ST8SIA1: variants seen among roughly 807,000 people sequenced by gnomAD.
ST8SIA1 encodes alpha-N-acetylneuraminide alpha-2,8-sialyltransferase.
In ST8SIA1, 16 loss-of-function variants were observed where a neutral mutation model predicts 35.9. The observed-to-expected ratio is 0.45, with a 90% CI of 0.30 to 0.68. The LOEUF (loss-of-function observed/expected upper bound fraction) is 0.68. ST8SIA1 is among the 30% of genes least tolerant of loss of function. The pLI is 0.09. For missense variants in ST8SIA1, 383 were observed against 453.6 expected (o/e 0.84, Z 1.41); for synonymous variants, 170 against 169.6 (o/e 1.00, Z -0.02).
At chr12:22,312,942 T>C (rs1005259872) in intron 1 of ST8SIA1, among the ~76,000 whole-genome samples, 1 of 152,192 alleles carries the variant, frequency 6.6e-6, no homozygotes, top group African/African-American at 2.4e-5. Flanking sequence ...ACAGAGATGA[T>C]AATTTACATT....
chr12:22,210,029 AAATGCCATCACT>A (rs1352044771), intron 4 of ST8SIA1, among the ~76,000 whole-genome samples: 1 of 152,192 alleles, frequency 6.6e-6, no homozygotes, highest in Non-Finnish European at 1.5e-5. Context: ...GAAACCACCT[AAATGCCATCACT>A]AATAGAATGC....
At chr12:22,277,073 C>T (rs991887538) in intron 2 of ST8SIA1, among the ~76,000 whole-genome samples, 1 of 152,142 alleles carries the variant, frequency 6.6e-6, no homozygotes, top group East Asian at 1.9e-4. Context: ...TCCCTAATTA[C>T]AGAACTACAA....
At chr12:22,282,482 C>A (rs557834323) in intron 2 of ST8SIA1, among the ~76,000 whole-genome samples, 1 of 152,134 alleles carries the variant, frequency 6.6e-6, no homozygotes, top group Non-Finnish European at 1.5e-5. Flanking sequence ...GATACATGAG[C>A]AGGAATCTGT....
intron 1 of ST8SIA1, among the ~76,000 whole-genome samples, chr12:22,331,986 T>A (rs908746885): frequency 6.6e-6 from 1 of 152,190 alleles, no homozygotes; most frequent in Non-Finnish European, 1.5e-5. Context: ...TTCTAACAAC[T>A]CTGCAATGTA....
At chr12:22,258,372 G>A (rs1865750810) in intron 2 of ST8SIA1, among the ~76,000 whole-genome samples, 1 of 152,000 alleles carries the variant, frequency 6.6e-6, no homozygotes, top group South Asian at 2.1e-4. Flanking sequence ...GTCTTTCCTG[G>A]AGATAGAAAA....
rs115112419 is a variant in ST8SIA1 at position 22,288,920 on chromosome 12, G to A, written c.237-1627C>T. 2.3e-3 allele frequency among the ~76,000 whole-genome samples: 345 copies of A among 152,182 alleles called. 1 individual carries two copies. The highest frequency in any genetic ancestry group is 7.7e-3 in the African/African-American group (321 of 41,518). On this transcript the variant is annotated intron_variant, in intron 1 of 4. Transcript: ENST00000396037. ...GTTGTTGTCCTTGTTTTTTGAAACA[G>A]GGTCTCACTCTATTGCCCAGGCTGG...
intron 4 of ST8SIA1, among the ~76,000 whole-genome samples, chr12:22,203,926 G>A (rs1239258891): frequency 6.6e-6 from 1 of 152,154 alleles, no homozygotes; most frequent in Non-Finnish European, 1.5e-5. Context: ...TGATGAGAGT[G>A]ATCCAGGGGC....
At chr12:22,219,471 C>T (rs769032701) in intron 4 of ST8SIA1, among the ~76,000 whole-genome samples, 21 of 151,962 alleles carry the variant, frequency 1.4e-4, no homozygotes, top group Non-Finnish European at 2.6e-4. Flanking sequence ...AGGGTGGAGG[C>T]GAGGGCACTT....
At chr12:22,239,479 A>G (rs1186207397) in intron 4 of ST8SIA1, among the ~76,000 whole-genome samples, 1 of 152,052 alleles carries the variant, frequency 6.6e-6, no homozygotes, top group Admixed American at 6.6e-5. Flanking sequence ...CAACAATTAT[A>G]TTTTTCATTT....
At chr12:22,325,743 G>A (rs1866667749) in intron 1 of ST8SIA1, 3 of 635,792 alleles carry the variant, frequency 4.7e-6, no homozygotes, top group Non-Finnish European at 8.3e-6. Context: ...ATTAGGCACA[G>A]TAAGAGATGA....
chr12:22,323,362 ACAAT>A (rs1866628518), intron 1 of ST8SIA1, among the ~76,000 whole-genome samples: 2 of 152,350 alleles, frequency 1.3e-5, no homozygotes, highest in East Asian at 3.9e-4. Flanking sequence ...TTTTCTATGA[ACAAT>A]CAAAGATGCC....
intron 2 of ST8SIA1, among the ~76,000 whole-genome samples, chr12:22,275,771 G>A (rs751296930): frequency 2.0e-5 from 3 of 152,224 alleles, no homozygotes; most frequent in Non-Finnish European, 4.4e-5. Context: ...AGAGCTGCAT[G>A]GAAACCAGAT....
Position 22,197,902 on chromosome 12 carries a change from G to A in ST8SIA1, c.*3650C>T, listed in dbSNP as rs1865007097. ...CCAGTGAGCACTTCCTTAACTTCTT[G>A]TATGAGAATTATGCAGTTTAGATGT... On this transcript the variant is annotated 3_prime_UTR_variant, in exon 5 of 5. Transcript: ENST00000396037. The A allele has an allele frequency of 6.6e-6, 1 of 152,136 alleles. No homozygotes were observed. The highest frequency in any genetic ancestry group is 1.5e-5 in the Non-Finnish European group (1 of 68,020). The allele number at this position is 152,136 out of a possible 1,614,324, so 9.4% of individuals were successfully genotyped here. A position where few individuals can be genotyped will look rare whatever the true frequency, so the allele number is the denominator to read the frequency against.
chr12:22,331,239 G>A (rs954285576), intron 1 of ST8SIA1, among the ~76,000 whole-genome samples: 9 of 152,158 alleles, frequency 5.9e-5, no homozygotes, highest in African/African-American at 1.7e-4. Flanking sequence ...TTAAGTCATC[G>A]TATTTATTTG....
chr12:22,287,075 A>C, intron 2 of ST8SIA1, 74 bp downstream of exon 2: 4 of 1,419,208 alleles, frequency 2.8e-6, no homozygotes, highest in Non-Finnish European at 3.8e-6. Flanking sequence ...GAGTAAGGCA[A>C]ACTCAATTAT....
chr12:22,253,188 T>C lies in ST8SIA1; in HGVS notation c.491+2092A>G, dbSNP rs572271670. 2.9e-4 allele frequency among the ~76,000 whole-genome samples: 44 copies of C among 152,272 alleles called. No homozygotes were observed. In the South Asian group the frequency reaches 4.8e-3, roughly 16 times the overall value. ...CTGGGCCCCAGCAAGGGTAAAATAA[T>C]GCACTGTAGGTCACAGACCTAGTCA... On this transcript the variant is annotated intron_variant, in intron 3 of 4. Transcript: ENST00000396037.
chr12:22,248,861 T>G (rs1240787917), intron 4 of ST8SIA1, 145 bp downstream of exon 4: 1 of 587,018 alleles, frequency 1.7e-6, no homozygotes, highest in African/African-American at 1.9e-5. Flanking sequence ...TTTTCTTTAT[T>G]TACAATTCCC....
rs74068788 is a variant in ST8SIA1, at chr12:22,265,543, A to G, written c.382-10154T>C. Among the ~76,000 whole-genome samples the G allele has an allele frequency of 8.3e-3, 1,269 of 152,346 alleles. 22 individuals carry two copies. The highest frequency in any genetic ancestry group is 0.029 in the African/African-American group (1,198 of 41,584). ...TTAGGGCCTTAGTTGTCTCACTTGT[A>G]ACAACTGTACTGACTTCTTACAGTT... is the stretch of plus-strand genomic sequence containing the variant. On this transcript the variant is annotated intron_variant, in intron 2 of 4. Transcript: ENST00000396037.
chr12:22,242,093 C>G (rs1163883748), intron 4 of ST8SIA1, among the ~76,000 whole-genome samples: 1 of 151,988 alleles, frequency 6.6e-6, no homozygotes, highest in Non-Finnish European at 1.5e-5. Flanking sequence ...AGCCACCAAA[C>G]AAAGAAACAT....
Sources: gnomAD v4.1 joint callset for allele counts (sites outside exome capture counted in the v4.1 genomes callset) on GRCh38, gnomAD v4.1.1 for gene constraint, MANE v1.5 for transcripts, NCBI Gene and HGNC (gene_info 2026-07-23, HGNC 2026-07-21) for gene names.